Variants in DLG2 observed in about 807,000 individuals in gnomAD.
DLG2 encodes the protein disks large homolog 2.
DLG2 carries 45 observed loss-of-function variants against 132.5 expected under a neutral mutation model. That is an observed-to-expected ratio of 0.34 (90% CI 0.27 to 0.44). DLG2 has a LOEUF of 0.44. DLG2 is among the 20% of genes least tolerant of loss of function. The pLI is 1.00. For synonymous variants in DLG2, 424 were observed against 419.6 expected (o/e 1.01, Z -0.13); for missense variants, 1,045 against 1,196.9 (o/e 0.87, Z 1.87).
intron 21 of DLG2, among the ~76,000 whole-genome samples, chr11:83,510,534 G>A (rs2094951615): frequency 6.6e-6 from 1 of 152,178 alleles, no homozygotes; most frequent in Non-Finnish European, 1.5e-5. Flanking sequence ...GAGACTCCTA[G>A]CCTGTAGTCC....
chr11:85,617,371 C>T (rs781122510), intron 2 of DLG2, among the ~76,000 whole-genome samples: 1 of 152,238 alleles, frequency 6.6e-6, no homozygotes, highest in Admixed American at 6.5e-5. Context: ...TGTATCTCAT[C>T]TTAAATATTA....
chr11:84,897,662 C>T (rs940026522), intron 6 of DLG2, among the ~76,000 whole-genome samples: 2 of 151,690 alleles, frequency 1.3e-5, no homozygotes, highest in Non-Finnish European at 3.0e-5. Context: ...AGATTAAATT[C>T]TTCTGTGACT....
chr11:84,401,598 A>G (rs1451745385), intron 7 of DLG2, among the ~76,000 whole-genome samples: 1 of 152,158 alleles, frequency 6.6e-6, no homozygotes, highest in Non-Finnish European at 1.5e-5. Context: ...CAATGTAAAT[A>G]TCTATGGAGC....
chr11:83,504,652 A>G (rs554546014), intron 21 of DLG2, among the ~76,000 whole-genome samples: 1 of 152,300 alleles, frequency 6.6e-6, no homozygotes, highest in South Asian at 2.1e-4. Flanking sequence ...CAGACTATCT[A>G]GGCCAGCAGA....
At chr11:84,859,886 C>G (rs780801043) in intron 6 of DLG2, among the ~76,000 whole-genome samples, 1 of 152,076 alleles carries the variant, frequency 6.6e-6, no homozygotes, top group East Asian at 1.9e-4. Context: ...AACTGCCCTT[C>G]AAAATTCAAG....
At position 83,456,864 on chromosome 11, in the gene DLG2, C is replaced by T. The variant is rs1374629774; in HGVS notation, c.*2954G>A. ...AGGCTCTTTAAGCAGACAGAGCCAA[C>T]CCAAGAATTTGGGGCTGGGAAAAAA... On this transcript the variant is annotated 3_prime_UTR_variant, in exon 28 of 28. Transcript: ENST00000376104. The T allele has an allele frequency of 6.6e-6, 1 of 152,312 alleles. No individual in the cohort carries two copies. The highest frequency in any genetic ancestry group is 1.5e-5 in the Non-Finnish European group (1 of 68,030). 9.4% of individuals were successfully genotyped at this position (152,312 alleles called of 1,614,324 possible). A position where few individuals can be genotyped will look rare whatever the true frequency, so the allele number is the denominator to read the frequency against.
At chr11:84,498,431 TCACCACCACCCC>T (rs898604563) in intron 7 of DLG2, among the ~76,000 whole-genome samples, 3 of 152,062 alleles carry the variant, frequency 2.0e-5, no homozygotes, top group African/African-American at 7.2e-5. Flanking sequence ...AACTGAGATG[TCACCACCACCCC>T]CACCACCAAC....
At chr11:85,209,175 C>A (rs1230286611) in intron 4 of DLG2, among the ~76,000 whole-genome samples, 1 of 152,120 alleles carries the variant, frequency 6.6e-6, no homozygotes, top group African/African-American at 2.4e-5. Flanking sequence ...AAAGATCACA[C>A]TAGTTCAATC....
intron 19 of DLG2, among the ~76,000 whole-genome samples, chr11:83,590,403 C>G (rs11533266): frequency 6.6e-6 from 1 of 151,998 alleles, no homozygotes; most frequent in Non-Finnish European, 1.5e-5. Flanking sequence ...GGATACATAA[C>G]GAAATGAAGG....
intron 11 of DLG2, among the ~76,000 whole-genome samples, chr11:84,047,194 T>TTC (rs2096259146): frequency 6.6e-6 from 1 of 151,708 alleles, no homozygotes; most frequent in Non-Finnish European, 1.5e-5. Flanking sequence ...ACTTTATTTA[T>TTC]TCTCATTCCT....
intron 6 of DLG2, among the ~76,000 whole-genome samples, chr11:84,801,060 C>A (rs1037789382): frequency 6.6e-6 from 1 of 152,174 alleles, no homozygotes; most frequent in East Asian, 1.9e-4. Flanking sequence ...TTATCTGCAC[C>A]AAGCATGAGG....
chr11:84,476,828 C>T (rs1230945114), intron 7 of DLG2, among the ~76,000 whole-genome samples: 1 of 152,154 alleles, frequency 6.6e-6, no homozygotes, highest in African/African-American at 2.4e-5. Context: ...GCAGATGATT[C>T]CAGCCTCTTT....
chr11:84,059,248 A>G, intron 11 of DLG2, 67 bp downstream of exon 11: 2 of 1,475,138 alleles, frequency 1.4e-6, no homozygotes, highest in South Asian at 2.3e-5. Context: ...TCATACGACT[A>G]TCGTGGCATA....
At chr11:85,088,397 T>C (rs914671963) in intron 6 of DLG2, among the ~76,000 whole-genome samples, 2 of 152,210 alleles carry the variant, frequency 1.3e-5, no homozygotes, top group African/African-American at 4.8e-5. Context: ...TAAATCCTAC[T>C]CTAGCCTCTG....
chr11:83,507,133 T>C (rs1230681234), intron 21 of DLG2, among the ~76,000 whole-genome samples: 1 of 152,128 alleles, frequency 6.6e-6, no homozygotes, highest in Non-Finnish European at 1.5e-5. Flanking sequence ...AATAAACTCC[T>C]TGCCTCTCAC....
chr11:84,564,636 A>G (rs924313300), intron 6 of DLG2, among the ~76,000 whole-genome samples: 8 of 152,218 alleles, frequency 5.3e-5, no homozygotes, highest in Middle Eastern at 3.2e-3. Context: ...CTTTAACAAA[A>G]AGCTATTCTT....
At chr11:83,628,377 A>G (rs1032635051) in intron 19 of DLG2, among the ~76,000 whole-genome samples, 2 of 152,142 alleles carry the variant, frequency 1.3e-5, no homozygotes, top group Admixed American at 1.3e-4. Flanking sequence ...CATGATTCAC[A>G]TGTTTTTCTA....
At chr11:84,138,545 T>TA (rs1344752021) in intron 9 of DLG2, among the ~76,000 whole-genome samples, 2 of 152,214 alleles carry the variant, frequency 1.3e-5, no homozygotes, top group Non-Finnish European at 2.9e-5. Flanking sequence ...TAACTAACAC[T>TA]GACACAAGTT....
chr11:85,615,361 T>C (rs2081267062), intron 2 of DLG2, among the ~76,000 whole-genome samples: 3 of 151,636 alleles, frequency 2.0e-5, no homozygotes, highest in Admixed American at 6.6e-5. Flanking sequence ...CTACTAAAAA[T>C]ACAAAAATTA....
Sources: gnomAD v4.1 joint callset for allele counts (sites outside exome capture counted in the v4.1 genomes callset) on GRCh38, gnomAD v4.1.1 for gene constraint, MANE v1.5 for transcripts, NCBI Gene and HGNC (gene_info 2026-07-23, HGNC 2026-07-21) for gene names.